Variants in ASB13 observed in about 807,000 individuals in gnomAD.
The protein encoded by ASB13 is ankyrin repeat and SOCS box containing 13.
ASB13 carries 33 observed loss-of-function variants against 28.8 expected under a neutral mutation model. That is an observed-to-expected ratio of 1.15 (90% CI 0.87 to 1.53). ASB13 has a LOEUF of 1.53. Among genes scored for constraint, ASB13 ranks in the 40% most tolerant of loss-of-function variants. ASB13 has a pLI of 0.00. For missense variants in ASB13, 414 were observed against 390.1 expected (o/e 1.06, Z -0.52); for synonymous variants, 182 against 172.9 (o/e 1.05, Z -0.41).
chr10:5,653,275 A>G (rs1477742249), intron 1 of ASB13, among the ~76,000 whole-genome samples: 1 of 151,896 alleles, frequency 6.6e-6, no homozygotes, highest in Non-Finnish European at 1.5e-5. Context: ...GACCCCGCTC[A>G]CCTCCACAGT....
At position 5,664,502 on chromosome 10, in the gene ASB13, T is replaced by G. The variant is rs945812538; in HGVS notation, c.43+2007A>C. On this transcript the variant is annotated intron_variant, in intron 1 of 5. Coordinates refer to ENST00000357700, the MANE Select transcript of ASB13 (RefSeq NM_024701.4). This position sits in a 1 kb window ranked among gnomAD's most constrained non-coding sequence, Gnocchi z 4.2. ...GTCCCCACATAGCAAGTGGCTCAGC[T>G]GCAATATTCACAGTCACAATAATGT... 2.2e-5 allele frequency among the ~76,000 whole-genome samples: 3 copies of G among 137,994 alleles called. No homozygotes were observed. Among genetic ancestry groups the G allele is most frequent in the African/African-American group, 7.8e-5 (3 of 38,494 alleles). The allele number at this position is 137,994 out of a possible 152,430, so 90.5% of individuals were successfully genotyped here. A position where few individuals can be genotyped will look rare whatever the true frequency, so the allele number is the denominator to read the frequency against.
Position 5,644,479 on chromosome 10 carries a change from G to C in ASB13, c.518-2518C>G, listed in dbSNP as rs912407161. Among the ~76,000 whole-genome samples, 7 of 152,090 alleles carry C rather than the reference G, an allele frequency of 4.6e-5. No homozygotes were observed. Among genetic ancestry groups the C allele is most frequent in the African/African-American group, 1.4e-4 (6 of 41,392 alleles). ...CCACTGCACTCCAGCCTGGATGACA[G>C]AGTGAGGCCCATAGTGAGAAAGAGA... On this transcript the variant is annotated intron_variant, in intron 4 of 5. Transcript: ENST00000357700. The surrounding 1 kb of genome is among the most constrained non-coding windows in gnomAD (Gnocchi z 5.1).
At chr10:5,665,396 A>G (rs1257706975) in intron 1 of ASB13, among the ~76,000 whole-genome samples, 1 of 152,214 alleles carries the variant, frequency 6.6e-6, no homozygotes, top group Non-Finnish European at 1.5e-5. Flanking sequence ...TGAACCTCAA[A>G]AGTTGCGGAT....
At position 5,666,503 on chromosome 10, in the gene ASB13, A is replaced by G; in HGVS notation, c.43+6T>C. Reference sequence around the variant, plus strand: ...TCGCTCTGACCTCCGCGGCGCCCGCACGTACCCACGTCGCCCAGGAAGCAG... The same window carrying G: ...TCGCTCTGACCTCCGCGGCGCCCGCGCGTACCCACGTCGCCCAGGAAGCAG... On this transcript the variant is annotated splice_donor_region_variant and intron_variant, in intron 1 of 5. Transcript: ENST00000357700. 1.5e-6 allele frequency: 2 copies of G among 1,290,982 alleles called. No individual in the cohort carries two copies. Among genetic ancestry groups the G allele is most frequent in the South Asian group, 2.2e-5 (1 of 45,298 alleles). The allele number at this position is 1,290,982 out of a possible 1,614,324, so 80.0% of individuals were successfully genotyped here.
chr10:5,639,281 G>C lies in ASB13; in HGVS notation c.*1422C>G, dbSNP rs1448527839. On this transcript the variant is annotated 3_prime_UTR_variant, in exon 6 of 6. Coordinates refer to ENST00000357700, the MANE Select transcript of ASB13 (RefSeq NM_024701.4). The stretch of plus-strand genomic sequence containing the variant: ...GCTCAGGCTCACTCTGTTCCACACT[G>C]TCTGCGGTGGGAGGCTCGGGCCGGC... The C allele has an allele frequency of 6.5e-6, 1 of 152,880 alleles. No individual in the cohort carries two copies. Among genetic ancestry groups the C allele is most frequent in the African/African-American group, 2.4e-5 (1 of 41,448 alleles). 9.5% of individuals were successfully genotyped at this position (152,880 alleles called of 1,614,324 possible). A position where few individuals can be genotyped will look rare whatever the true frequency, so the allele number is the denominator to read the frequency against.
In ASB13 at chr10:5,664,226, C is replaced by T. The variant is rs1314984782; in HGVS notation, c.43+2283G>A. Among the ~76,000 whole-genome samples the T allele has an allele frequency of 6.6e-6, 1 of 151,508 alleles. No homozygotes were observed. Among genetic ancestry groups the T allele is most frequent in the African/African-American group, 2.4e-5 (1 of 41,128 alleles). ...ATAAACAACAGGAAGACACCCCTGC[C>T]CCACCCCCACCCCGGCTTCCCAGAG... On this transcript the variant is annotated intron_variant, in intron 1 of 5. Transcript: ENST00000357700. The surrounding 1 kb of genome is among the most constrained non-coding windows in gnomAD (Gnocchi z 4.2).
In ASB13 at chr10:5,659,644, C is replaced by A. The variant is rs1249722008; in HGVS notation, c.44-6594G>T. 6.7e-6 allele frequency among the ~76,000 whole-genome samples: 1 copy of A among 149,384 alleles called. No individual in the cohort carries two copies. Among genetic ancestry groups the A allele is most frequent in the Non-Finnish European group, 1.5e-5 (1 of 66,402 alleles). On this transcript the variant is annotated intron_variant, in intron 1 of 5. Coordinates refer to ENST00000357700, the MANE Select transcript of ASB13 (RefSeq NM_024701.4). This position sits in a 1 kb window ranked among gnomAD's most constrained non-coding sequence, Gnocchi z 5.8. ...GACCCCTGCTCCTTCAGGAAGCCTC[C>A]CGAGCATGCAGCCCACCCCCCCACG...
At chr10:5,646,548 G>T (rs542352140) in intron 4 of ASB13, among the ~76,000 whole-genome samples, 3 of 152,162 alleles carry the variant, frequency 2.0e-5, no homozygotes, top group Non-Finnish European at 4.4e-5. Flanking sequence ...AAGCAGAATC[G>T]CAACGTTCAA....
intron 1 of ASB13, among the ~76,000 whole-genome samples, chr10:5,653,559 T>C (rs1184197113): frequency 6.6e-6 from 1 of 152,278 alleles, no homozygotes; most frequent in Non-Finnish European, 1.5e-5. Context: ...CCTGTTTTAA[T>C]TATTCCACTT....
chr10:5,657,284 G>T (rs1026651787), intron 1 of ASB13, among the ~76,000 whole-genome samples: 1 of 152,010 alleles, frequency 6.6e-6, no homozygotes, highest in Non-Finnish European at 1.5e-5. Context: ...TCATATATCT[G>T]AAAAGGGGTT....
rs1438194436 is a variant in ASB13, at chr10:5,639,457, A to G, written c.*1246T>C. On this transcript the variant is annotated 3_prime_UTR_variant, in exon 6 of 6. Coordinates refer to ENST00000357700, the MANE Select transcript of ASB13 (RefSeq NM_024701.4). Reference sequence around the variant, plus strand: ...CCTGACCTCAGATGCCCCAGAAACCACTCATCCCTGAACTAATCATGCAAA... The same window carrying G: ...CCTGACCTCAGATGCCCCAGAAACCGCTCATCCCTGAACTAATCATGCAAA... 1 of 151,968 alleles carries G rather than the reference A, an allele frequency of 6.6e-6. No homozygotes were observed. Among genetic ancestry groups the G allele is most frequent in the Non-Finnish European group, 1.5e-5 (1 of 68,032 alleles). The allele number at this position is 151,968 out of a possible 1,614,324, so 9.4% of individuals were successfully genotyped here. A position where few individuals can be genotyped will look rare whatever the true frequency, so the allele number is the denominator to read the frequency against.
rs537487017 is a variant in ASB13 at position 5,656,603 on chromosome 10, C to A, written c.44-3553G>T. ...AGAACTAACATTTTTGTTTGAGGGG[C>A]CTTTATCCATTCTTACACAGAGGCT... On this transcript the variant is annotated intron_variant, in intron 1 of 5. Transcript: ENST00000357700. The surrounding 1 kb of genome is among the most constrained non-coding windows in gnomAD (Gnocchi z 4.3). Among the ~76,000 whole-genome samples, 3 of 151,822 alleles carry A rather than the reference C, an allele frequency of 2.0e-5. No individual in the cohort carries two copies. Among genetic ancestry groups the A allele is most frequent in the Non-Finnish European group, 2.9e-5 (2 of 67,986 alleles).
In ASB13 at chr10:5,666,519, C is replaced by T. The variant is rs1169099529; in HGVS notation, c.33G>A (p.Leu11=). MEPRAADGCF[L]GDVGFWVERT... ...GGCGCCCGCACGTACCCACGTCGCC[C>T]AGGAAGCAGCCGTCCGCCGCCCGGG... The change falls in exon 1 of 6, where the codon CTG becomes CTA. Residue 11 remains leucine (L), a synonymous_variant. Coordinates refer to ENST00000357700, the MANE Select transcript of ASB13 (RefSeq NM_024701.4). The T allele has an allele frequency of 1.6e-6, 2 of 1,278,672 alleles. No homozygotes were observed. Among genetic ancestry groups the T allele is most frequent in the East Asian group, 6.8e-5 (2 of 29,580 alleles). The allele number at this position is 1,278,672 out of a possible 1,614,324, so 79.2% of individuals were successfully genotyped here. A position where few individuals can be genotyped will look rare whatever the true frequency, so the allele number is the denominator to read the frequency against.
chr10:5,640,723 C>T lies in ASB13; in HGVS notation c.817G>A (p.Asp273Asn), dbSNP rs1834796554. Residue 273 changes from aspartate (D) to asparagine (N), a missense_variant, in exon 6 of 6, where the codon GAT (aspartate) becomes AAT (asparagine). Physicochemically the swap from Asp to Asn is conservative, Grantham distance 23. Coordinates refer to ENST00000357700, the MANE Select transcript of ASB13 (RefSeq NM_024701.4). ...GCAATTCAGTTGTAGGAGAGGTAAT[C>T]AATGAGCCGGGGCGGGATGTTTAAC... ...AKLNIPPRLI[D>N]YLSYN 3.1e-6 allele frequency: 5 copies of T among 1,614,160 alleles called. No homozygotes were observed. In the East Asian group the frequency reaches 1.1e-4, roughly 36 times the overall value.
intron 1 of ASB13, 57 bp downstream of exon 1, chr10:5,666,452 C>A: frequency 8.0e-7 from 1 of 1,254,988 alleles, no homozygotes. Flanking sequence ...GATACGCGGC[C>A]GGCCTCAGGA....
intron 1 of ASB13, among the ~76,000 whole-genome samples, chr10:5,662,479 G>A (rs975875042): frequency 6.9e-6 from 1 of 145,554 alleles, no homozygotes; most frequent in African/African-American, 2.5e-5. Context: ...GCAGTGAGCT[G>A]AGATCGTGCC....
chr10:5,666,562 G>C lies in ASB13; in HGVS notation c.-11C>G. On this transcript the variant is annotated 5_prime_UTR_variant, in exon 1 of 6. Coordinates refer to ENST00000357700, the MANE Select transcript of ASB13 (RefSeq NM_024701.4). ...CGCCCGGGGCTCCATGCGGCTCACC[G>C]GCGGCCGCGCGGCGACTCTGGGCGC... 8.6e-7 allele frequency: 1 copy of C among 1,160,534 alleles called. No individual in the cohort carries two copies. Among genetic ancestry groups the C allele is most frequent in the Non-Finnish European group, 1.1e-6 (1 of 942,504 alleles). The allele number at this position is 1,160,534 out of a possible 1,614,324, so 71.9% of individuals were successfully genotyped here. A position where few individuals can be genotyped will look rare whatever the true frequency, so the allele number is the denominator to read the frequency against.
Position 5,641,187 on chromosome 10 carries a change from C to T in ASB13, c.710-357G>A, listed in dbSNP as rs1164856390. Among the ~76,000 whole-genome samples, 1 of 152,146 alleles carries T rather than the reference C, an allele frequency of 6.6e-6. No individual in the cohort carries two copies. Among genetic ancestry groups the T allele is most frequent in the Non-Finnish European group, 1.5e-5 (1 of 68,036 alleles). ...CACAATCTCAGCTCACTGCAACCTC[C>T]GCCTCCTGCATTCAAGCAATTCTCC... is the stretch of plus-strand genomic sequence containing the variant. On this transcript the variant is annotated intron_variant, in intron 5 of 5. Coordinates refer to ENST00000357700, the MANE Select transcript of ASB13 (RefSeq NM_024701.4). The surrounding 1 kb of genome is among the most constrained non-coding windows in gnomAD (Gnocchi z 8.4).
intron 4 of ASB13, among the ~76,000 whole-genome samples, chr10:5,648,231 G>A (rs746153025): frequency 4.1e-4 from 47 of 114,822 alleles, no homozygotes; most frequent in Non-Finnish European, 6.4e-4. Flanking sequence ...AAACACCCAC[G>A]CAGGCAAACA....
Sources: allele counts gnomAD v4.1 joint callset (sites outside exome capture counted in the v4.1 genomes callset), GRCh38; gene constraint gnomAD v4.1.1; non-coding constraint Gnocchi (gnomAD v3.1); transcripts MANE v1.5; gene names NCBI Gene and HGNC (gene_info 2026-07-23, HGNC 2026-07-21).